The following DNER variants were observed in gnomAD, a reference collection of about 807,000 sequenced individuals.
The protein encoded by DNER is delta/notch like EGF repeat containing.
Under a neutral mutation model 78.2 loss-of-function variants are expected in DNER, and 33 were observed. The observed-to-expected ratio is 0.42, with a 90% CI of 0.32 to 0.56. DNER has a LOEUF of 0.56. DNER is among the 20% of genes least tolerant of loss of function. The pLI, the probability that DNER is intolerant of heterozygous loss-of-function variation, is 0.11. For synonymous variants in DNER, 417 were observed against 384.8 expected, an observed-to-expected ratio of 1.08 and a Z score of -0.98; for missense variants, 918 against 975.3, an observed-to-expected ratio of 0.94 and a Z score of 0.78.
At chr2:229,529,033 G>A (rs1696257107) in intron 5 of DNER, among the ~76,000 whole-genome samples, 1 of 152,068 alleles carries the variant, frequency 6.6e-6, no homozygotes, top group African/African-American at 2.4e-5. Context: ...ATTGCAAAAT[G>A]GATTGTTCTT....
At chr2:229,672,152 G>C (rs971487690) in intron 1 of DNER, among the ~76,000 whole-genome samples, 15 of 152,176 alleles carry the variant, frequency 9.9e-5, no homozygotes, top group Admixed American at 6.5e-5. Context: ...GGCTCGGCAG[G>C]AATAGCTCAT....
intron 11 of DNER, among the ~76,000 whole-genome samples, chr2:229,369,545 G>T (rs1692433732): frequency 1.3e-5 from 2 of 152,066 alleles, no homozygotes; most frequent in Non-Finnish European, 2.9e-5. Flanking sequence ...ATGTGGTGGT[G>T]GTCCCTAAAG....
intron 1 of DNER, among the ~76,000 whole-genome samples, chr2:229,696,621 T>C (rs371546663): frequency 3.3e-5 from 5 of 152,138 alleles, no homozygotes; most frequent in South Asian, 2.1e-4. Flanking sequence ...CATAACTTAC[T>C]GGAGTGGAGG....
In DNER at chr2:229,686,183, A is replaced by G. The variant is rs546294823; in HGVS notation, c.276+27965T>C. Among the ~76,000 whole-genome samples the G allele has an allele frequency of 5.3e-4, 80 of 152,272 alleles. No individual in the cohort carries two copies. In the South Asian group the frequency reaches 0.016, roughly 31 times the overall value. ...CTCTCAAAGTCACATTTAGTCAGGC[A>G]AATACACCCACATTTGCACTCCCCA... On this transcript the variant is annotated intron_variant, in intron 1 of 12. Coordinates refer to ENST00000341772, the MANE Select transcript of DNER (RefSeq NM_139072.4).
chr2:229,369,580 G>C (rs374669622), intron 11 of DNER, among the ~76,000 whole-genome samples: 2 of 152,162 alleles, frequency 1.3e-5, no homozygotes, highest in South Asian at 2.1e-4. Context: ...TGGTGGAGGA[G>C]GGAAGGATAA....
chr2:229,675,446 C>A (rs1467727340), intron 1 of DNER, among the ~76,000 whole-genome samples: 6 of 152,194 alleles, frequency 3.9e-5, no homozygotes, highest in African/African-American at 1.4e-4. Flanking sequence ...GGACAGGAAT[C>A]TTATCTGAGC....
chr2:229,708,161 C>A (rs2154217841), intron 1 of DNER, among the ~76,000 whole-genome samples: 1 of 152,314 alleles, frequency 6.6e-6, no homozygotes, highest in African/African-American at 2.4e-5. Context: ...GCCCTTCAGG[C>A]AGGAGTGACC....
rs149566991 is a variant in DNER at position 229,612,515 on chromosome 2, C to T, written c.277-20627G>A. ...GTCCAAAACTTCCATTGGTATCAGA[C>T]TTAGACTGGCCCAGCTGTGCGTGAG... On this transcript the variant is annotated intron_variant, in intron 1 of 12. Transcript: ENST00000341772. Among the ~76,000 whole-genome samples, 974 of 152,336 alleles carry T rather than the reference C, an allele frequency of 6.4e-3. 7 individuals are homozygous for T. Among genetic ancestry groups the T allele is most frequent in the Middle Eastern group, 0.037 (11 of 294 alleles).
chr2:229,580,280 C>T (rs1406950794), intron 4 of DNER: 1 of 152,180 alleles, frequency 6.6e-6, no homozygotes, highest in Admixed American at 6.5e-5. Flanking sequence ...ATGACCTCAG[C>T]TCCAACAAGG....
At chr2:229,525,323 GA>G (rs776037741) in intron 5 of DNER, among the ~76,000 whole-genome samples, 3 of 152,288 alleles carry the variant, frequency 2.0e-5, no homozygotes, top group Non-Finnish European at 4.4e-5. Context: ...AATGCAAAGA[GA>G]GAGACTGTAA....
chr2:229,550,854 TG>T (rs1696722106), intron 4 of DNER, among the ~76,000 whole-genome samples: 1 of 152,208 alleles, frequency 6.6e-6, no homozygotes, highest in Non-Finnish European at 1.5e-5. Flanking sequence ...GAGCCCACGT[TG>T]GTTCACCTTG....
intron 10 of DNER, among the ~76,000 whole-genome samples, chr2:229,403,855 G>A (rs1693323950): frequency 6.6e-6 from 1 of 152,116 alleles, no homozygotes; most frequent in African/African-American, 2.4e-5. Flanking sequence ...GCAGCAAGCA[G>A]AGGGGCCCAG....
At chr2:229,690,130 T>G (rs1389699013) in intron 1 of DNER, among the ~76,000 whole-genome samples, 1 of 152,164 alleles carries the variant, frequency 6.6e-6, no homozygotes, top group Non-Finnish European at 1.5e-5. Flanking sequence ...TAGAACCACT[T>G]GGGGGTTTCC....
chr2:229,670,521 T>C (rs1699189496), intron 1 of DNER, among the ~76,000 whole-genome samples: 1 of 152,216 alleles, frequency 6.6e-6, no homozygotes, highest in Non-Finnish European at 1.5e-5. Flanking sequence ...TTCCTTGGGG[T>C]TCTCCATGAA....
chr2:229,484,367 G>C (rs937674606), intron 6 of DNER, among the ~76,000 whole-genome samples: 9 of 152,164 alleles, frequency 5.9e-5, no homozygotes, highest in African/African-American at 2.2e-4. Flanking sequence ...ACACTGCAAT[G>C]AGCAACTGTC....
intron 11 of DNER, among the ~76,000 whole-genome samples, chr2:229,381,594 A>T (rs1304479362): frequency 6.6e-6 from 1 of 151,916 alleles, no homozygotes; most frequent in Non-Finnish European, 1.5e-5. Context: ...TGGTGGGGGG[A>T]GGGGCGTCCA....
At chr2:229,618,316 A>T (rs889331889) in intron 1 of DNER, among the ~76,000 whole-genome samples, 1 of 152,226 alleles carries the variant, frequency 6.6e-6, no homozygotes, top group Non-Finnish European at 1.5e-5. Flanking sequence ...TAGAAAGGGG[A>T]TGACAACAGG....
intron 1 of DNER, among the ~76,000 whole-genome samples, chr2:229,626,224 T>C (rs1358749875): frequency 6.6e-6 from 1 of 152,212 alleles, no homozygotes; most frequent in Non-Finnish European, 1.5e-5. Flanking sequence ...CGGCCTACTA[T>C]GCAACTTCAA....
intron 5 of DNER, among the ~76,000 whole-genome samples, chr2:229,537,279 G>T (rs532039731): frequency 6.6e-6 from 1 of 152,044 alleles, no homozygotes; most frequent in Non-Finnish European, 1.5e-5. Flanking sequence ...GTTTTTTCTC[G>T]TAGTGAACAT....
Sources: gnomAD v4.1 joint callset for allele counts (sites outside exome capture counted in the v4.1 genomes callset) on GRCh38, gnomAD v4.1.1 for gene constraint, MANE v1.5 for transcripts, NCBI Gene and HGNC (gene_info 2026-07-23, HGNC 2026-07-21) for gene names.